The following EXOC7 variants were observed in gnomAD, a reference collection of about 807,000 sequenced individuals.
The protein encoded by EXOC7 is exocyst complex component Exo70.
EXOC7 carries 51 observed loss-of-function variants against 87.6 expected under a neutral mutation model. The observed-to-expected ratio is 0.58, with a 90% CI of 0.46 to 0.73. The LOEUF is 0.73. Among genes scored for constraint, EXOC7 ranks in the 30% least tolerant of loss-of-function variants. The pLI is 0.00. For missense variants in EXOC7, 744 were observed against 888.4 expected, an observed-to-expected ratio of 0.84 and a Z score of 2.07; for synonymous variants, 327 against 357.1, an observed-to-expected ratio of 0.92 and a Z score of 0.95.
In EXOC7 at chr17:76,082,429, A is replaced by G; in HGVS notation, c.*1219T>C. On this transcript the variant is annotated 3_prime_UTR_variant, in exon 19 of 19. Transcript: ENST00000589210. ...TCCGCTCATGTTGAGGGGACCTTGA[A>G]GAACAGCTCCTTTCCCTGTATCTCT... is the stretch of plus-strand genomic sequence containing the variant. The G allele has an allele frequency of 3.2e-6, 5 of 1,558,488 alleles. No individual in the cohort carries two copies. The highest frequency in any genetic ancestry group is 3.5e-6 in the Non-Finnish European group (4 of 1,151,280).
At position 76,089,389 on chromosome 17, in the gene EXOC7, G is replaced by C. The variant is rs546035571; in HGVS notation, c.902-69C>G. The stretch of plus-strand genomic sequence containing the variant: ...CACACTCCTGGCTGGGGGCGGCGTG[G>C]GTCCCCCAGCTCCTGGCCTGTACCC... On this transcript the variant is annotated intron_variant, in intron 7 of 18. Transcript: ENST00000589210. 45 of 1,582,310 alleles carry C rather than the reference G, an allele frequency of 2.8e-5. No individual in the cohort carries two copies. In the African/African-American group the frequency reaches 5.0e-4, roughly 17 times the overall value.
At chr17:76,086,930 G>C (rs1490511719) in intron 12 of EXOC7, 2 of 1,537,868 alleles carry the variant, frequency 1.3e-6, no homozygotes, top group South Asian at 2.4e-5. Flanking sequence ...AGGGGACAGA[G>C]GGAGAGACAA....
chr17:76,103,185 CAT>C (rs2068158880), intron 2 of EXOC7, 174 bp downstream of exon 2: 1 of 626,614 alleles, frequency 1.6e-6, no homozygotes, highest in Admixed American at 2.7e-5. Context: ...GGGTACGGAA[CAT>C]GGGGAGGGGG....
chr17:76,087,615 G>A lies in EXOC7; in HGVS notation c.1429+39C>T, dbSNP rs376168182. 1.5e-5 allele frequency: 23 copies of A among 1,539,132 alleles called. No homozygotes were observed. The East Asian group carries it at 2.2e-4, about 15-fold the overall frequency. On this transcript the variant is annotated intron_variant, in intron 12 of 18. Transcript: ENST00000589210. ...TAACCCCATGTCTCCAGGCAAGGAG[G>A]CGAGTGGGGCAGGGGGCCCAACTGG...
Position 76,084,064 on chromosome 17 carries a change from T to C in EXOC7, c.1894A>G (p.Arg632Gly). The change falls in exon 18 of 19, where the codon AGG becomes GGG. Residue 632 changes from arginine (R) to glycine (G), a missense_variant. By Grantham distance (125) the Arg-to-Gly change is moderately radical (BLOSUM62 -2). Coordinates refer to ENST00000589210, the MANE Select transcript of EXOC7 (RefSeq NM_001013839.4). ...ATGGTCTTCTGGGCCTGGCGAATCC[T>C]GTCCCTCTGCTCTGTGTCTGGAATA... is the stretch of plus-strand genomic sequence containing the variant. Reference protein sequence around the residue: ...WAIPDTEQRDRIRQAQKTIVK... With the variant: ...WAIPDTEQRDGIRQAQKTIVK... The C allele has an allele frequency of 6.2e-7, 1 of 1,610,448 alleles. No homozygotes were observed. The highest frequency in any genetic ancestry group is 8.5e-7 in the Non-Finnish European group (1 of 1,178,852).
chr17:76,084,788 T>G (rs576786079), intron 15 of EXOC7: 3 of 595,372 alleles, frequency 5.0e-6, no homozygotes, highest in Admixed American at 3.0e-5. Flanking sequence ...AACACTTGAG[T>G]GTTCAATAAA....
intron 4 of EXOC7, chr17:76,101,016 TGTTAA>T: frequency 1.9e-6 from 1 of 517,186 alleles, no homozygotes; most frequent in Non-Finnish European, 2.6e-6. Context: ...ACAAATCAAA[TGTTAA>T]GTTTATATTT....
chr17:76,085,575 C>G (rs146872206), intron 14 of EXOC7, 102 bp downstream of exon 14: 4 of 1,582,824 alleles, frequency 2.5e-6, no homozygotes, highest in Non-Finnish European at 3.5e-6. Flanking sequence ...ACCCCCTCCC[C>G]TCTCGTCCAC....
In EXOC7 at chr17:76,098,149, T is replaced by G. The variant is rs2067872792; in HGVS notation, c.418-131A>C. The G allele has an allele frequency of 8.3e-6, 6 of 721,200 alleles. No individual in the cohort carries two copies. The Admixed American group carries it at 1.7e-4, about 21-fold the overall frequency. 44.7% of individuals were successfully genotyped at this position (721,200 alleles called of 1,614,324 possible). ...CCCTTTTCTGCCCTGATATCTTTTT[T>G]TTTTTTGAGAGGGAGTCTCGCTCTG... On this transcript the variant is annotated intron_variant, in intron 4 of 18. Transcript: ENST00000589210.
chr17:76,082,308 C>T lies in EXOC7; in HGVS notation c.*1340G>A, dbSNP rs2067015739. 5 of 851,290 alleles carry T rather than the reference C, an allele frequency of 5.9e-6. No homozygotes were observed. In the South Asian group the frequency reaches 9.4e-5, roughly 16 times the overall value. 52.7% of individuals were successfully genotyped at this position (851,290 alleles called of 1,614,324 possible). A position where few individuals can be genotyped will look rare whatever the true frequency, so the allele number is the denominator to read the frequency against. On this transcript the variant is annotated 3_prime_UTR_variant, in exon 19 of 19. Coordinates refer to ENST00000589210, the MANE Select transcript of EXOC7 (RefSeq NM_001013839.4). ...ACAGCCTAAGAGGGTGTTTCTTCAA[C>T]TGAAGATGGCCTGAAATGGGCCAGA...
intron 14 of EXOC7, 32 bp from the exon 15 acceptor site, chr17:76,085,441 G>T (rs765578319): frequency 6.3e-7 from 1 of 1,580,894 alleles, no homozygotes; most frequent in Non-Finnish European, 8.6e-7. Flanking sequence ...AGGAGAGGAG[G>T]ACAGGATTGG....
intron 12 of EXOC7, chr17:76,087,162 C>T: frequency 4.3e-6 from 2 of 460,506 alleles, no homozygotes; most frequent in South Asian, 2.3e-5. Context: ...GAGGAGAGGG[C>T]CCAGGGACCT....
chr17:76,101,418 TGAA>T (rs771094752), intron 3 of EXOC7, 42 bp from the exon 4 acceptor site: 7 of 1,610,564 alleles, frequency 4.3e-6, no homozygotes, highest in Middle Eastern at 1.7e-4. Flanking sequence ...GCATGGGGGA[TGAA>T]GAAGGACTAA....
chr17:76,088,956 T>C lies in EXOC7; in HGVS notation c.1048-33A>G, dbSNP rs772209621. ...GGCAGGGAGACAGTTCAGGGAAGGG[T>C]GGGGCGGTGGGAGCTAGTTCTGGGC... On this transcript the variant is annotated intron_variant, in intron 8 of 18. Transcript: ENST00000589210. 5 of 1,594,126 alleles carry C rather than the reference T, an allele frequency of 3.1e-6. No homozygotes were observed. The South Asian group carries it at 5.5e-5, about 18-fold the overall frequency.
intron 5 of EXOC7, 57 bp from the exon 6 acceptor site, chr17:76,094,638 G>A: frequency 1.4e-5 from 21 of 1,544,456 alleles, no homozygotes; most frequent in Non-Finnish European, 1.8e-5. Context: ...CTGCCTTGCA[G>A]ACCCACCATG....
intron 6 of EXOC7, chr17:76,092,355 C>G (rs1246750920): frequency 7.0e-6 from 1 of 141,984 alleles, no homozygotes; most frequent in Non-Finnish European, 1.5e-5. Flanking sequence ...AGTACGGTGG[C>G]ACGACCTCGG....
Position 76,100,072 on chromosome 17 carries a change from G to C in EXOC7, c.417+1199C>G, listed in dbSNP as rs543524785. 6.3e-4 allele frequency among the ~76,000 whole-genome samples: 96 copies of C among 152,158 alleles called. 2 individuals are homozygous for C. In the South Asian group the frequency reaches 0.02, roughly 32 times the overall value. On this transcript the variant is annotated intron_variant, in intron 4 of 18. Coordinates refer to ENST00000589210, the MANE Select transcript of EXOC7 (RefSeq NM_001013839.4). ...GCTATGGTTGTACCACTGCAGTCTG[G>C]CCTAGATGACAAAGCCAGATCCTGT...
intron 12 of EXOC7, among the ~76,000 whole-genome samples, chr17:76,087,079 C>T (rs2067245212): frequency 6.6e-6 from 1 of 152,222 alleles, no homozygotes; most frequent in South Asian, 2.1e-4. Context: ...CCAGGGAACA[C>T]CCTGGAAAGT....
intron 4 of EXOC7, among the ~76,000 whole-genome samples, chr17:76,099,348 A>C (rs2067942774): frequency 6.6e-6 from 1 of 152,158 alleles, no homozygotes; most frequent in African/African-American, 2.4e-5. Context: ...TCTACTAAAA[A>C]TACAAAAAAT....
Sources: allele counts gnomAD v4.1 joint callset (sites outside exome capture counted in the v4.1 genomes callset), GRCh38; gene constraint gnomAD v4.1.1; transcripts MANE v1.5; gene names NCBI Gene and HGNC (gene_info 2026-07-23, HGNC 2026-07-21).